The following PRKN variants were observed in gnomAD, a reference collection of about 807,000 sequenced individuals.
PRKN encodes the protein parkin RBR E3 ubiquitin protein ligase, also known as E3 ubiquitin-protein ligase parkin.
PRKN carries 56 observed loss-of-function variants against 59.5 expected under a neutral mutation model. The ratio of observed to expected loss-of-function variants is 0.94; its 90% CI spans 0.76 to 1.18. The LOEUF (loss-of-function observed/expected upper bound fraction) is 1.18. Among genes scored for constraint, PRKN ranks in the 50% most tolerant of loss-of-function variants. The probability of loss-of-function intolerance (pLI) is 0.00; values close to 1 mark genes in which losing one functional copy is unlikely to be tolerated. For missense variants in PRKN, 657 were observed against 596.4 expected (o/e 1.10, Z -1.06); for synonymous variants, 250 against 222.1 (o/e 1.13, Z -1.12).
intron 1 of PRKN, among the ~76,000 whole-genome samples, chr6:162,667,316 C>T (rs917148413): frequency 9.2e-5 from 14 of 151,928 alleles, no homozygotes; most frequent in South Asian, 2.1e-4. Context: ...CAATTTTAAA[C>T]GGGTTAATTA....
At chr6:162,286,712 G>C (rs962072776) in intron 2 of PRKN, among the ~76,000 whole-genome samples, 1 of 152,210 alleles carries the variant, frequency 6.6e-6, no homozygotes, top group Admixed American at 6.5e-5. Flanking sequence ...ACCTAGCAGT[G>C]AGGGTTGTTT....
intron 6 of PRKN, among the ~76,000 whole-genome samples, chr6:161,822,778 T>G (rs1792085304): frequency 6.6e-6 from 1 of 152,216 alleles, no homozygotes; most frequent in Non-Finnish European, 1.5e-5. Context: ...ACCATTTACC[T>G]CTGGACATTG....
chr6:161,406,826 T>C (rs1178712511), intron 9 of PRKN, among the ~76,000 whole-genome samples: 2 of 152,132 alleles, frequency 1.3e-5, no homozygotes, highest in Admixed American at 6.5e-5. Context: ...AATTTGCAAA[T>C]CTGTAAGCAT....
chr6:162,163,150 A>C (rs1457292210), intron 4 of PRKN, among the ~76,000 whole-genome samples: 2 of 149,486 alleles, frequency 1.3e-5, no homozygotes, highest in Non-Finnish European at 3.0e-5. Flanking sequence ...CTAGACTTCT[A>C]AGACAGTGAT....
rs976065254 is a variant in PRKN at position 162,031,304 on chromosome 6, G to A, written c.618+22787C>T. On this transcript the variant is annotated intron_variant, in intron 5 of 11. Transcript: ENST00000366898. ...TGTTATCATTCAAATTAGACTGCAT[G>A]TTTGAAATAATTGCCCAGAGTGTCC... is the stretch of plus-strand genomic sequence containing the variant. 5.3e-5 allele frequency among the ~76,000 whole-genome samples: 8 copies of A among 151,742 alleles called. No homozygotes were observed. In the South Asian group the frequency reaches 6.2e-4, roughly 12 times the overall value.
chr6:162,036,859 C>T (rs1402983291), intron 5 of PRKN, among the ~76,000 whole-genome samples: 4 of 151,812 alleles, frequency 2.6e-5, no homozygotes, highest in East Asian at 3.9e-4. Flanking sequence ...TTATCTATAC[C>T]GTGCAATTAT....
At chr6:162,148,454 G>GCCT (rs1782121776) in intron 4 of PRKN, among the ~76,000 whole-genome samples, 2 of 152,078 alleles carry the variant, frequency 1.3e-5, no homozygotes, top group Admixed American at 6.6e-5. Context: ...TTAAGTCATG[G>GCCT]AGATTTTGAG....
chr6:162,087,568 C>T (rs1334774135), intron 4 of PRKN, among the ~76,000 whole-genome samples: 1 of 147,720 alleles, frequency 6.8e-6, no homozygotes, highest in African/African-American at 2.5e-5. Context: ...GGAGGGCCTA[C>T]AGGTGCTTAG....
chr6:162,529,268 T>C (rs577471481), intron 1 of PRKN, among the ~76,000 whole-genome samples: 1 of 151,942 alleles, frequency 6.6e-6, no homozygotes, highest in East Asian at 1.9e-4. Context: ...TGTATAAAAA[T>C]ACTTCATTCA....
intron 1 of PRKN, among the ~76,000 whole-genome samples, chr6:162,678,468 A>G (rs972864399): frequency 1.3e-5 from 2 of 152,198 alleles, no homozygotes; most frequent in Admixed American, 6.5e-5. Context: ...CGTACTTGGC[A>G]TCTTTCAAAT....
intron 1 of PRKN, among the ~76,000 whole-genome samples, chr6:162,720,155 G>A (rs1043223009): frequency 4.6e-5 from 7 of 152,070 alleles, no homozygotes; most frequent in South Asian, 2.1e-4. Flanking sequence ...AGTAACTGGC[G>A]TATTCAACAA....
At chr6:162,390,396 T>TACATAC (rs1554312765) in intron 2 of PRKN, among the ~76,000 whole-genome samples, 5 of 84,120 alleles carry the variant, frequency 5.9e-5, no homozygotes, top group Admixed American at 4.1e-4. Flanking sequence ...TATATATATA[T>TACATAC]ACACACACAC....
intron 4 of PRKN, among the ~76,000 whole-genome samples, chr6:162,128,210 T>C (rs1348828757): frequency 6.6e-6 from 1 of 152,222 alleles, no homozygotes; most frequent in Non-Finnish European, 1.5e-5. Context: ...GCCAGTACCT[T>C]ACTCAATGCC....
Position 161,391,704 on chromosome 6 carries a change from T to C in PRKN, c.1084-4827A>G, listed in dbSNP as rs1323601636. Among the ~76,000 whole-genome samples the C allele has an allele frequency of 1.3e-5, 2 of 152,072 alleles. No individual in the cohort carries two copies. The highest frequency in any genetic ancestry group is 1.3e-4 in the Admixed American group (2 of 15,280). On this transcript the variant is annotated intron_variant, in intron 9 of 11. Coordinates refer to ENST00000366898, the MANE Select transcript of PRKN (RefSeq NM_004562.3). This position sits in a 1 kb window ranked among gnomAD's most constrained non-coding sequence, Gnocchi z 4.9. Reference sequence around the variant, plus strand: ...GGATCTATAATCAGTTTATTTTAAGTAAGAGAGATTATCCTAGATAACCTG... The same window carrying C: ...GGATCTATAATCAGTTTATTTTAAGCAAGAGAGATTATCCTAGATAACCTG...
At chr6:162,450,409 T>TGTAAATGCCCCTTTGAG (rs1790566752) in intron 1 of PRKN, among the ~76,000 whole-genome samples, 1 of 141,860 alleles carries the variant, frequency 7.0e-6, no homozygotes, top group Non-Finnish European at 1.5e-5. Context: ...GCCCCTATGA[T>TGTAAATGCCCCTTTGAG]TGTAACACCC....
chr6:161,446,547 G>A lies in PRKN; in HGVS notation c.1084-59670C>T, dbSNP rs77998384. On this transcript the variant is annotated intron_variant, in intron 9 of 11. Transcript: ENST00000366898. The surrounding 1 kb of genome is among the most constrained non-coding windows in gnomAD (Gnocchi z 6.2). ...AGTAGGATGTTTGTGATGGCTGAGC[G>A]TCATGGAGGAATTCATACCTGTTCC... Among the ~76,000 whole-genome samples, 32 of 152,288 alleles carry A rather than the reference G, an allele frequency of 2.1e-4. No individual in the cohort carries two copies. Among genetic ancestry groups the A allele is most frequent in the African/African-American group, 7.2e-4 (30 of 41,562 alleles).
intron 4 of PRKN, among the ~76,000 whole-genome samples, chr6:162,063,258 C>T (rs1390781578): frequency 6.6e-6 from 1 of 152,194 alleles, no homozygotes; most frequent in Non-Finnish European, 1.5e-5. Flanking sequence ...ATATAAAGGA[C>T]ACATTAATAA....
chr6:162,716,765 C>T (rs759809713), intron 1 of PRKN, among the ~76,000 whole-genome samples: 140 of 142,100 alleles, frequency 9.9e-4, no homozygotes, highest in Non-Finnish European at 1.4e-3. Context: ...CCTGCGCGCG[C>T]GCGCACGCAC....
intron 10 of PRKN, among the ~76,000 whole-genome samples, chr6:161,380,123 G>A (rs1403441582): frequency 6.6e-6 from 1 of 152,038 alleles, no homozygotes; most frequent in Non-Finnish European, 1.5e-5. Context: ...CTCCCTGAAC[G>A]TGTCATTCAT....
Sources: gnomAD v4.1 joint callset for allele counts (sites outside exome capture counted in the v4.1 genomes callset) on GRCh38, gnomAD v4.1.1 for gene constraint, Gnocchi (gnomAD v3.1) non-coding constraint, MANE v1.5 for transcripts, NCBI Gene and HGNC (gene_info 2026-07-23, HGNC 2026-07-21) for gene names.